Variants in SPOCK3 observed in about 807,000 individuals in gnomAD.
SPOCK3 encodes the protein testican-3.
SPOCK3 carries 30 observed loss-of-function variants against 56.6 expected under a neutral mutation model. The ratio of observed to expected loss-of-function variants is 0.53; its 90% CI spans 0.40 to 0.72. SPOCK3 has a LOEUF of 0.72. Ranked by LOEUF, SPOCK3 falls within the 30% of genes least tolerant of loss-of-function variation. The probability of loss-of-function intolerance (pLI) is 0.00; values close to 1 mark genes in which losing one functional copy is unlikely to be tolerated. For synonymous variants in SPOCK3, 196 were observed against 183.3 expected (o/e 1.07, Z -0.56); for missense variants, 527 against 530.0 (o/e 0.99, Z 0.06).
intron 3 of SPOCK3, among the ~76,000 whole-genome samples, chr4:167,021,482 T>C (rs1477675145): frequency 1.3e-5 from 2 of 152,020 alleles, no homozygotes; most frequent in Non-Finnish European, 2.9e-5. Context: ...CCCAGTCAAG[T>C]TCTCAAAAGT....
intron 2 of SPOCK3, among the ~76,000 whole-genome samples, chr4:167,144,881 G>A (rs1310381350): frequency 6.6e-6 from 1 of 151,878 alleles, no homozygotes; most frequent in Admixed American, 6.6e-5. Context: ...GCTGAGCAAA[G>A]ACCCTAATGA....
At chr4:166,906,497 A>AC (rs1736631038) in intron 5 of SPOCK3, among the ~76,000 whole-genome samples, 1 of 151,380 alleles carries the variant, frequency 6.6e-6, no homozygotes, top group Non-Finnish European at 1.5e-5. Context: ...AAAAAAAAAA[A>AC]AAAACCTACC....
chr4:167,156,208 T>TGCTATCC (rs1764806826), intron 2 of SPOCK3, among the ~76,000 whole-genome samples: 1 of 152,166 alleles, frequency 6.6e-6, no homozygotes, highest in Admixed American at 6.6e-5. Flanking sequence ...TCTTAACTTG[T>TGCTATCC]GCTATCCACA....
intron 3 of SPOCK3, among the ~76,000 whole-genome samples, chr4:167,019,678 G>T (rs1340763894): frequency 6.6e-6 from 1 of 151,902 alleles, no homozygotes; most frequent in African/African-American, 2.4e-5. Context: ...CACATTAAAG[G>T]TATTTATTTA....
intron 8 of SPOCK3, among the ~76,000 whole-genome samples, chr4:166,746,895 A>G (rs1735688086): frequency 6.6e-6 from 1 of 152,194 alleles, no homozygotes; most frequent in East Asian, 1.9e-4. Flanking sequence ...AGAAATGCAT[A>G]AATTCCTGGA....
intron 6 of SPOCK3, among the ~76,000 whole-genome samples, chr4:166,805,058 C>G (rs62355251): frequency 2.0e-4 from 31 of 151,896 alleles, no homozygotes; most frequent in Non-Finnish European, 4.0e-4. Flanking sequence ...TACAACAGAA[C>G]AATATTTTCT....
intron 8 of SPOCK3, among the ~76,000 whole-genome samples, chr4:166,753,667 C>T (rs1000478046): frequency 1.3e-5 from 2 of 151,976 alleles, no homozygotes; most frequent in Non-Finnish European, 2.9e-5. Flanking sequence ...TGTTCTTTCT[C>T]TTAGTTCTCA....
chr4:166,881,233 CCTTTT>C (rs886498694), intron 6 of SPOCK3, among the ~76,000 whole-genome samples: 120 of 151,686 alleles, frequency 7.9e-4, no homozygotes, highest in African/African-American at 2.7e-3. Flanking sequence ...CATTTTTTTT[CCTTTT>C]CTTATTTAGT....
At chr4:167,188,341 A>T (rs1309276596) in intron 2 of SPOCK3, among the ~76,000 whole-genome samples, 11 of 146,294 alleles carry the variant, frequency 7.5e-5, no homozygotes. Flanking sequence ...ATAAAAAATT[A>T]CAGAGCATAC....
intron 2 of SPOCK3, among the ~76,000 whole-genome samples, chr4:167,216,331 A>G (rs559851977): frequency 6.6e-5 from 10 of 152,248 alleles, no homozygotes; most frequent in African/African-American, 2.4e-4. Context: ...TAAAAGATGA[A>G]TAGAAGATTT....
At chr4:166,813,490 AAAT>A (rs1744057692) in intron 6 of SPOCK3, among the ~76,000 whole-genome samples, 1 of 152,098 alleles carries the variant, frequency 6.6e-6, no homozygotes, top group East Asian at 1.9e-4. Context: ...TTATTTGCTC[AAAT>A]AATAATTCAT....
At chr4:167,109,509 A>T (rs1185450451) in intron 2 of SPOCK3, among the ~76,000 whole-genome samples, 1 of 119,924 alleles carries the variant, frequency 8.3e-6, no homozygotes, top group Non-Finnish European at 1.6e-5. Context: ...TTTTATATAA[A>T]ATATAATATT....
intron 2 of SPOCK3, among the ~76,000 whole-genome samples, chr4:167,228,304 ATAGAG>A (rs1324270813): frequency 1.3e-5 from 2 of 152,182 alleles, no homozygotes; most frequent in Non-Finnish European, 2.9e-5. Flanking sequence ...TACAACATAC[ATAGAG>A]TAATTTGTTT....
chr4:166,864,703 A>T (rs2126922541), intron 6 of SPOCK3, among the ~76,000 whole-genome samples: 1 of 152,272 alleles, frequency 6.6e-6, no homozygotes, highest in African/African-American at 2.4e-5. Flanking sequence ...AAATTCCTGC[A>T]CACATACAAC....
chr4:167,060,533 G>T (rs762841983), intron 3 of SPOCK3, among the ~76,000 whole-genome samples: 1 of 151,852 alleles, frequency 6.6e-6, no homozygotes, highest in African/African-American at 2.4e-5. Flanking sequence ...TCTAATTTTT[G>T]TTCGATTTTT....
At chr4:167,232,040 C>G (rs1404675877) in intron 2 of SPOCK3, among the ~76,000 whole-genome samples, 1 of 140,744 alleles carries the variant, frequency 7.1e-6, no homozygotes. Flanking sequence ...TCCTTGAGAT[C>G]CTAGAATAAC....
chr4:166,815,133 G>C (rs180698353), intron 6 of SPOCK3, among the ~76,000 whole-genome samples: 1 of 152,006 alleles, frequency 6.6e-6, no homozygotes, highest in Admixed American at 6.6e-5. Context: ...GTATGGAAAG[G>C]CTTAATTTTA....
chr4:167,183,752 T>C (rs1237430214), intron 2 of SPOCK3, among the ~76,000 whole-genome samples: 1 of 152,116 alleles, frequency 6.6e-6, no homozygotes, highest in Non-Finnish European at 1.5e-5. Context: ...AAGCCTACAA[T>C]TTATCAGACT....
At chr4:167,141,467 C>T (rs1034018849) in intron 2 of SPOCK3, among the ~76,000 whole-genome samples, 2 of 151,920 alleles carry the variant, frequency 1.3e-5, no homozygotes, top group African/African-American at 2.4e-5. Context: ...AATCAGGGTC[C>T]CTCTCCAAAA....
Sources: allele counts gnomAD v4.1 joint callset (sites outside exome capture counted in the v4.1 genomes callset), GRCh38; gene constraint gnomAD v4.1.1; transcripts MANE v1.5; gene names NCBI Gene and HGNC (gene_info 2026-07-23, HGNC 2026-07-21).